GAN: variants seen among roughly 807,000 people sequenced by gnomAD.
The protein encoded by GAN is gigaxonin, also known as epididymis secretory sperm binding protein.
GAN carries 48 observed loss-of-function variants against 71.3 expected under a neutral mutation model. That is an observed-to-expected ratio of 0.67 (90% CI 0.53 to 0.86). The LOEUF is 0.86. Ranked by LOEUF, GAN falls within the 40% of genes least tolerant of loss-of-function variation. The probability of loss-of-function intolerance (pLI) is 0.00; values close to 1 mark genes in which losing one functional copy is unlikely to be tolerated. For synonymous variants in GAN, 386 were observed against 276.8 expected, an observed-to-expected ratio of 1.39 and a Z score of -3.92; for missense variants, 928 against 770.1, an observed-to-expected ratio of 1.21 and a Z score of -2.43.
chr16:81,360,990 G>C (rs1294411609), intron 5 of GAN, among the ~76,000 whole-genome samples: 1 of 152,182 alleles, frequency 6.6e-6, no homozygotes, highest in Admixed American at 6.5e-5. Flanking sequence ...TTTGGAGGCT[G>C]AGGCGGGTGG....
At chr16:81,326,565 A>G (rs1183857427) in intron 1 of GAN, among the ~76,000 whole-genome samples, 2 of 152,252 alleles carry the variant, frequency 1.3e-5, no homozygotes, top group Non-Finnish European at 2.9e-5. Flanking sequence ...TGTCTGTGAT[A>G]TGTATGTACA....
At chr16:81,373,694 A>C (rs182054864) in intron 9 of GAN, among the ~76,000 whole-genome samples, 81 of 152,290 alleles carry the variant, frequency 5.3e-4, no homozygotes, top group African/African-American at 1.9e-3. Flanking sequence ...CCAGGATTCT[A>C]CCTTGCATTC....
chr16:81,344,378 G>C lies in GAN; in HGVS notation c.168-7205G>C, dbSNP rs1910046780. 1.3e-5 allele frequency among the ~76,000 whole-genome samples: 2 copies of C among 152,096 alleles called. 1 individual carries two copies. Among genetic ancestry groups the C allele is most frequent in the Non-Finnish European group, 2.9e-5 (2 of 68,022 alleles). On this transcript the variant is annotated intron_variant, in intron 1 of 10. Coordinates refer to ENST00000648994, the MANE Select transcript of GAN (RefSeq NM_022041.4). ...ACCTGACTTCAAACTTTACTACAAG[G>C]CTGCAGTAACCAAAACAGCATGGTA... is the stretch of plus-strand genomic sequence containing the variant.
At position 81,335,944 on chromosome 16, in the gene GAN, G is replaced by A. The variant is rs554592032; in HGVS notation, c.168-15639G>A. Reference sequence around the variant, plus strand: ...CAGTGAGAGGAGGTGGGTGCCCCATGCGGGTTCCTGCCCTTCCCCTGCCTT... The same window carrying A: ...CAGTGAGAGGAGGTGGGTGCCCCATACGGGTTCCTGCCCTTCCCCTGCCTT... On this transcript the variant is annotated intron_variant, in intron 1 of 10. Coordinates refer to ENST00000648994, the MANE Select transcript of GAN (RefSeq NM_022041.4). Among the ~76,000 whole-genome samples the A allele has an allele frequency of 2.4e-3, 368 of 152,260 alleles. 3 individuals carry two copies. Among genetic ancestry groups the A allele is most frequent in the African/African-American group, 8.4e-3 (347 of 41,546 alleles).
intron 6 of GAN, among the ~76,000 whole-genome samples, chr16:81,363,007 G>T (rs553420035): frequency 1.3e-4 from 20 of 152,206 alleles, no homozygotes; most frequent in Non-Finnish European, 2.5e-4. Context: ...GCTCTTTGAT[G>T]GCAGAGAATT....
intron 1 of GAN, among the ~76,000 whole-genome samples, chr16:81,343,639 C>T (rs1000961351): frequency 3.3e-5 from 5 of 152,174 alleles, no homozygotes; most frequent in East Asian, 1.9e-4. Context: ...GACCTATTTA[C>T]GACAAACCCA....
intron 1 of GAN, among the ~76,000 whole-genome samples, chr16:81,320,438 C>A (rs1038066889): frequency 3.9e-5 from 6 of 152,194 alleles, no homozygotes; most frequent in East Asian, 1.9e-4. Context: ...AATACACTCC[C>A]GAGGCAGCAG....
chr16:81,325,080 A>G (rs891922207), intron 1 of GAN, among the ~76,000 whole-genome samples: 3 of 152,236 alleles, frequency 2.0e-5, no homozygotes, highest in Admixed American at 6.5e-5. Context: ...GCTCCCAGGC[A>G]TGCTGTTGGC....
intron 9 of GAN, among the ~76,000 whole-genome samples, chr16:81,374,546 G>A (rs1259400106): frequency 6.6e-6 from 1 of 152,104 alleles, no homozygotes; most frequent in African/African-American, 2.4e-5. Flanking sequence ...TCCTGTTAAT[G>A]TTTTCCAATT....
chr16:81,330,411 C>G (rs535942485), intron 1 of GAN, among the ~76,000 whole-genome samples: 2 of 152,282 alleles, frequency 1.3e-5, no homozygotes, highest in Admixed American at 6.5e-5. Flanking sequence ...AGAAGGGACT[C>G]CCAGAGGCCA....
chr16:81,319,859 A>G lies in GAN; in HGVS notation c.167+4579A>G, dbSNP rs1212661811. Reference sequence around the variant, plus strand: ...GGTGGTTGGGCTACATGGACAGCAAATCCCCTTTAAGTCTAAGTTATGTAG... The same window carrying G: ...GGTGGTTGGGCTACATGGACAGCAAGTCCCCTTTAAGTCTAAGTTATGTAG... On this transcript the variant is annotated intron_variant, in intron 1 of 10. Transcript: ENST00000648994. 2.0e-5 allele frequency among the ~76,000 whole-genome samples: 3 copies of G among 152,236 alleles called. No homozygotes were observed. In the East Asian group the frequency reaches 5.8e-4, roughly 29 times the overall value.
In GAN at chr16:81,382,106, T is replaced by C. The variant is rs948977234; in HGVS notation, c.*4510T>C. The stretch of plus-strand genomic sequence containing the variant: ...ATCTTTCCAGGACATACCCCTTTGA[T>C]CCTCACACCTCTGGAATAGGCAGGG... On this transcript the variant is annotated 3_prime_UTR_variant, in exon 11 of 11. Coordinates refer to ENST00000648994, the MANE Select transcript of GAN (RefSeq NM_022041.4). 1.3e-5 allele frequency: 2 copies of C among 152,120 alleles called. No individual in the cohort carries two copies. Among genetic ancestry groups the C allele is most frequent in the African/African-American group, 4.8e-5 (2 of 41,408 alleles). 9.4% of individuals were successfully genotyped at this position (152,120 alleles called of 1,614,324 possible). A position where few individuals can be genotyped will look rare whatever the true frequency, so the allele number is the denominator to read the frequency against.
intron 7 of GAN, among the ~76,000 whole-genome samples, chr16:81,364,670 C>G (rs1459452541): frequency 1.3e-5 from 2 of 152,154 alleles, no homozygotes; most frequent in African/African-American, 4.8e-5. Flanking sequence ...GCCAAGGCAA[C>G]TGAACGAGAC....
chr16:81,359,403 T>C (rs569004646), intron 5 of GAN, among the ~76,000 whole-genome samples: 18 of 125,860 alleles, frequency 1.4e-4, no homozygotes, highest in African/African-American at 5.1e-4. Context: ...CCAGGCTGCA[T>C]TGTTTTTTTT....
intron 9 of GAN, among the ~76,000 whole-genome samples, chr16:81,367,264 T>C (rs1910890093): frequency 6.6e-6 from 1 of 152,126 alleles, no homozygotes; most frequent in Admixed American, 6.5e-5. Flanking sequence ...GGCTCCAGGC[T>C]ATAATCCCAA....
In GAN at chr16:81,384,338, C is replaced by A. The variant is rs1364772611; in HGVS notation, c.*6742C>A. ...AAAAGAAAAGAAAAAAAAGCACTTA[C>A]AACCAGGAGGAATAATAATTCTCCT... On this transcript the variant is annotated 3_prime_UTR_variant, in exon 11 of 11. Transcript: ENST00000648994. 2.7e-5 allele frequency: 4 copies of A among 150,510 alleles called. No homozygotes were observed. The highest frequency in any genetic ancestry group is 3.9e-4 in the East Asian group (2 of 5,112). 9.3% of individuals were successfully genotyped at this position (150,510 alleles called of 1,614,324 possible).
chr16:81,320,983 A>G (rs1335293882), intron 1 of GAN, among the ~76,000 whole-genome samples: 3 of 151,980 alleles, frequency 2.0e-5, no homozygotes, highest in African/African-American at 7.3e-5. Context: ...TGAGTTTTTC[A>G]AAAGCGATAA....
chr16:81,352,813 C>T (rs1012861407), intron 2 of GAN, among the ~76,000 whole-genome samples: 1 of 152,180 alleles, frequency 6.6e-6, no homozygotes, highest in African/African-American at 2.4e-5. Context: ...CAGAGATGCT[C>T]TGTAGCATCA....
rs772767625 is a variant in GAN, at chr16:81,381,190, G to C, written c.*3594G>C. ...CATGGGTAGTTAAGTTTCATTTCTAGAGAAATGTCTTAGCTGCTGTGGTCC... is the reference window on the plus strand; with the variant it reads ...CATGGGTAGTTAAGTTTCATTTCTACAGAAATGTCTTAGCTGCTGTGGTCC... On this transcript the variant is annotated 3_prime_UTR_variant, in exon 11 of 11. Transcript: ENST00000648994. 6.6e-6 allele frequency: 1 copy of C among 152,152 alleles called. No homozygotes were observed. Among genetic ancestry groups the C allele is most frequent in the Non-Finnish European group, 1.5e-5 (1 of 68,020 alleles). 9.4% of individuals were successfully genotyped at this position (152,152 alleles called of 1,614,324 possible).
Sources: allele counts gnomAD v4.1 joint callset (sites outside exome capture counted in the v4.1 genomes callset), GRCh38; gene constraint gnomAD v4.1.1; transcripts MANE v1.5; gene names NCBI Gene and HGNC (gene_info 2026-07-23, HGNC 2026-07-21).